CHD8: variants seen among roughly 807,000 people sequenced by gnomAD.
The protein encoded by CHD8 is ATP-dependent chromatin remodeler CHD8.
In CHD8, 31 loss-of-function variants were observed where a neutral mutation model predicts 279.2. The observed-to-expected ratio is 0.11, with a 90% CI of 0.08 to 0.15. The LOEUF is 0.15. Ranked by LOEUF, CHD8 falls within the 10% of genes least tolerant of loss-of-function variation. The pLI, the probability that CHD8 is intolerant of heterozygous loss-of-function variation, is 1.00. For missense variants in CHD8, 2,146 were observed against 3,230.5 expected, an observed-to-expected ratio of 0.66 and a Z score of 8.14; for synonymous variants, 1,081 against 1,139.6, an observed-to-expected ratio of 0.95 and a Z score of 1.04.
chr14:21,438,530 AAG>A (rs1376930024), intron 1 of CHD8, among the ~76,000 whole-genome samples: 1,551 of 116,344 alleles, frequency 0.013, 31 homozygotes, highest in African/African-American at 0.044. Context: ...AAAAAAAAAA[AAG>A]AAAGAAAGAA....
intron 20 of CHD8, 24 bp downstream of exon 20, chr14:21,401,933 G>C: frequency 3.8e-6 from 6 of 1,573,268 alleles, no homozygotes; most frequent in Non-Finnish European, 5.2e-6. Flanking sequence ...TGTTTTTCTA[G>C]CCTCTGGCAT....
At chr14:21,436,958 T>A (rs1200211913) in intron 1 of CHD8, 1 of 1,286,470 alleles carries the variant, frequency 7.8e-7, no homozygotes, top group Non-Finnish European at 1.0e-6. Flanking sequence ...GCGGAAGATT[T>A]CTGGTAACTG....
At chr14:21,433,944 C>G (rs577061428) in intron 1 of CHD8, among the ~76,000 whole-genome samples, 1 of 152,172 alleles carries the variant, frequency 6.6e-6, no homozygotes, top group South Asian at 2.1e-4. Context: ...TTCCAGTATA[C>G]CTACTTTGGC....
chr14:21,425,626 A>G (rs2139525484), intron 5 of CHD8: 1 of 152,406 alleles, frequency 6.6e-6, no homozygotes, highest in Non-Finnish European at 1.5e-5. Flanking sequence ...CGCCTGGCCA[A>G]GTATCACTAT....
intron 1 of CHD8, among the ~76,000 whole-genome samples, chr14:21,451,793 G>A (rs1890263135): frequency 6.6e-6 from 1 of 151,806 alleles, no homozygotes; most frequent in Admixed American, 6.6e-5. Flanking sequence ...AGTGAAGGAT[G>A]GAAACTATAT....
intron 1 of CHD8, among the ~76,000 whole-genome samples, chr14:21,449,725 A>G (rs1304899332): frequency 6.6e-6 from 1 of 152,216 alleles, no homozygotes; most frequent in South Asian, 2.1e-4. Context: ...TTTCTTAAGT[A>G]TTCAATTTAC....
chr14:21,394,826 C>G, intron 30 of CHD8, 86 bp downstream of exon 30: 2 of 1,417,708 alleles, frequency 1.4e-6, no homozygotes, highest in East Asian at 4.6e-5. Flanking sequence ...GTAGAGAATT[C>G]CAAATAAATC....
At chr14:21,436,866 C>A in intron 1 of CHD8, 1 of 767,436 alleles carries the variant, frequency 1.3e-6, no homozygotes, top group Non-Finnish European at 1.7e-6. Context: ...GAAAACGCGA[C>A]TGGGGTGGGG....
chr14:21,394,759 AG>A, intron 30 of CHD8, 152 bp downstream of exon 30: 1 of 736,512 alleles, frequency 1.4e-6, no homozygotes, highest in Non-Finnish European at 2.2e-6. Flanking sequence ...ACTGCATGCA[AG>A]TGAGGTTTTA....
chr14:21,443,989 G>A (rs747295276), intron 1 of CHD8, among the ~76,000 whole-genome samples: 6 of 151,586 alleles, frequency 4.0e-5, no homozygotes, highest in Non-Finnish European at 8.8e-5. Flanking sequence ...ATAGCATTAT[G>A]TGTAGTCCTC....
Position 21,427,897 on chromosome 14 carries a change from A to G in CHD8, c.1573T>C (p.Ser525Pro), listed in dbSNP as rs771409666. The G allele has an allele frequency of 1.8e-4, 297 of 1,613,852 alleles. 5 individuals carry two copies. In the South Asian group the frequency reaches 3.1e-3, roughly 17 times the overall value. Reference sequence around the variant, plus strand: ...AGCTTGCTCTTGCCCTTTGTTTTGGAGGCACCAGATGTTTTACTCTTCTTT... The same window carrying G: ...AGCTTGCTCTTGCCCTTTGTTTTGGGGGCACCAGATGTTTTACTCTTCTTT... Reference protein sequence around the residue: ...KPKKSKTSGASKTKGKSKLNT... With the variant: ...KPKKSKTSGAPKTKGKSKLNT... The change falls in exon 4 of 38, where the codon TCC (serine) becomes CCC (proline). Residue 525 changes from serine (S) to proline (P), a missense_variant. Ser to Pro is a moderately conservative substitution (Grantham distance 74). This residue lies in a region of CHD8 where 123 missense variants were observed against 169.2 expected (regional missense o/e 0.73). Transcript: ENST00000646647.
intron 37 of CHD8, among the ~76,000 whole-genome samples, chr14:21,386,979 C>T (rs1887276829): frequency 6.6e-6 from 1 of 152,170 alleles, no homozygotes; most frequent in Admixed American, 6.5e-5. Context: ...AAGATTTCTA[C>T]ATGTCTAGAA....
rs534918545 is a variant in CHD8 at position 21,441,751 on chromosome 14, T to C, written c.-215-9893A>G. On this transcript the variant is annotated intron_variant, in intron 1 of 37. Coordinates refer to ENST00000646647, the MANE Select transcript of CHD8 (RefSeq NM_001170629.2). ...AAAATACAAAAAAATTAGCTGGGCG[T>C]GGTGGTGGGCACCTGTAGTCCCAGC... 7.2e-5 allele frequency among the ~76,000 whole-genome samples: 11 copies of C among 152,194 alleles called. No individual in the cohort carries two copies. In the East Asian group the frequency reaches 1.2e-3, roughly 16 times the overall value.
intron 27 of CHD8, 107 bp from the exon 28 acceptor site, chr14:21,395,999 T>A: frequency 1.3e-6 from 1 of 761,358 alleles, no homozygotes. Flanking sequence ...GAAATAATCT[T>A]TATTAGTATT....
At chr14:21,398,802 CA>C in intron 26 of CHD8, 1 of 172,356 alleles carries the variant, frequency 5.8e-6, no homozygotes, top group Non-Finnish European at 1.2e-5. Flanking sequence ...TTATTTCACT[CA>C]AAAACTGCTG....
At position 21,402,429 on chromosome 14, in the gene CHD8, G is replaced by A. The variant is rs368465266; in HGVS notation, c.3789C>T (p.Tyr1263=). The change falls in exon 19 of 38, where the codon TAC becomes TAT. Residue 1263 remains tyrosine, a synonymous_variant. Transcript: ENST00000646647. This position sits in a 1 kb window ranked among gnomAD's most constrained non-coding sequence, Gnocchi z 4.5. ...TGGCCTTATCAAACATCTCTCTCTC[G>A]TAGGAATTACGAGTGATGAGGCGGT... ...KVYRLITRNS[Y]EREMFDKASL... 22 of 1,613,952 alleles carry A rather than the reference G, an allele frequency of 1.4e-5. No homozygotes were observed. Among genetic ancestry groups the A allele is most frequent in the African/African-American group, 6.7e-5 (5 of 74,872 alleles).
chr14:21,408,446 C>A lies in CHD8; in HGVS notation c.2596G>T (p.Ala866Ser), dbSNP rs1888342245. 1 of 1,613,858 alleles carries A rather than the reference C, an allele frequency of 6.2e-7. No individual in the cohort carries two copies. The highest frequency in any genetic ancestry group is 2.2e-5 in the East Asian group (1 of 44,868). ...CAGTTAGTAATTGTGGACAGTGGGG[C>A]AATGACCAAGAAGGGACCATGGATG... is the stretch of plus-strand genomic sequence containing the variant. The part of the protein sequence containing the change: ...VGIHGPFLVI[A>S]PLSTITNWER... Residue 866 changes from alanine (A) to serine (S), a missense_variant, in exon 13 of 38, where the codon GCC becomes TCC. Coordinates refer to ENST00000646647, the MANE Select transcript of CHD8 (RefSeq NM_001170629.2). The surrounding 1 kb of genome is among the most constrained non-coding windows in gnomAD (Gnocchi z 4.3).
At chr14:21,418,388 C>T (rs532229134) in intron 5 of CHD8, among the ~76,000 whole-genome samples, 3 of 152,044 alleles carry the variant, frequency 2.0e-5, no homozygotes, top group South Asian at 2.1e-4. Flanking sequence ...GGCATGGTGG[C>T]GTGCACCTGT....
chr14:21,452,092 G>C (rs942086931), intron 1 of CHD8, among the ~76,000 whole-genome samples: 1 of 152,152 alleles, frequency 6.6e-6, no homozygotes, highest in African/African-American at 2.4e-5. Flanking sequence ...CCAGGCTAGA[G>C]TGCAGTGGCA....
Sources: allele counts gnomAD v4.1 joint callset (sites outside exome capture counted in the v4.1 genomes callset), GRCh38; gene constraint gnomAD v4.1.1; regional missense constraint gnomAD v4.1.1; non-coding constraint Gnocchi (gnomAD v3.1); transcripts MANE v1.5; gene names NCBI Gene and HGNC (gene_info 2026-07-23, HGNC 2026-07-21).